RSU1: variants seen among roughly 807,000 people sequenced by gnomAD.
RSU1 encodes Ras suppressor protein 1.
RSU1 carries 26 observed loss-of-function variants against 31.1 expected under a neutral mutation model. That is an observed-to-expected ratio of 0.84 (90% CI 0.61 to 1.16). The LOEUF (loss-of-function observed/expected upper bound fraction) is 1.16, where lower values mean the gene tolerates loss of function less well. RSU1 is among the 50% of genes most tolerant of loss of function. The probability of loss-of-function intolerance (pLI) is 0.00; values close to 1 mark genes in which losing one functional copy is unlikely to be tolerated. For synonymous variants in RSU1, 164 were observed against 136.3 expected, an observed-to-expected ratio of 1.20 and a Z score of -1.41; for missense variants, 320 against 339.1, an observed-to-expected ratio of 0.94 and a Z score of 0.44.
intron 4 of RSU1, among the ~76,000 whole-genome samples, chr10:16,760,467 C>G (rs1837186842): frequency 6.6e-6 from 1 of 150,968 alleles, no homozygotes; most frequent in African/African-American, 2.4e-5. Context: ...CGAGATCATG[C>G]CATTGCACTG....
At chr10:16,782,370 C>T (rs1172612044) in intron 2 of RSU1, among the ~76,000 whole-genome samples, 1 of 152,170 alleles carries the variant, frequency 6.6e-6, no homozygotes, top group African/African-American at 2.4e-5. Flanking sequence ...CGTGGCGCCC[C>T]GACCTGCTTG....
chr10:16,678,388 G>A (rs183414988), intron 8 of RSU1, among the ~76,000 whole-genome samples: 1 of 152,198 alleles, frequency 6.6e-6, no homozygotes, highest in Non-Finnish European at 1.5e-5. Flanking sequence ...GATGGTCCAT[G>A]CATTAAGCGA....
intron 8 of RSU1, among the ~76,000 whole-genome samples, chr10:16,631,228 T>C (rs1014766761): frequency 6.6e-6 from 1 of 152,224 alleles, no homozygotes; most frequent in African/African-American, 2.4e-5. Flanking sequence ...AGCTCTTGCA[T>C]GACAGCTGCA....
chr10:16,591,623 T>A lies in RSU1; in HGVS notation c.*1771A>T, dbSNP rs902979213. On this transcript the variant is annotated 3_prime_UTR_variant, in exon 9 of 9. Coordinates refer to ENST00000345264, the MANE Select transcript of RSU1 (RefSeq NM_012425.4). ...TTGATCTGTATACTTTTTAAAAATA[T>A]TACCAGTGAGTCTTCGATGATTGCT... is the stretch of plus-strand genomic sequence containing the variant. The A allele has an allele frequency of 6.6e-6, 1 of 152,222 alleles. No individual in the cohort carries two copies. The highest frequency in any genetic ancestry group is 2.4e-5 in the African/African-American group (1 of 41,460). The allele number at this position is 152,222 out of a possible 1,614,324, so 9.4% of individuals were successfully genotyped here.
chr10:16,662,521 A>G (rs10904784), intron 8 of RSU1, among the ~76,000 whole-genome samples: 37,833 of 152,078 alleles, frequency 0.25, 5,171 homozygotes, highest in South Asian at 0.34. Context: ...GCCTGTCCTT[A>G]TAAACATATT....
At chr10:16,703,738 A>T in intron 7 of RSU1, among the ~76,000 whole-genome samples, 1 of 152,248 alleles carries the variant, frequency 6.6e-6, no homozygotes, top group Non-Finnish European at 1.5e-5. Flanking sequence ...CCATAAATAT[A>T]TACACAGGTG....
At position 16,705,891 on chromosome 10, in the gene RSU1, C is replaced by G. The variant is rs188866925; in HGVS notation, c.599-10736G>C. 1.3e-3 allele frequency among the ~76,000 whole-genome samples: 195 copies of G among 152,274 alleles called. 1 individual carries two copies. Among genetic ancestry groups the G allele is most frequent in the African/African-American group, 4.1e-3 (172 of 41,554 alleles). Reference sequence around the variant, plus strand: ...TTCTTGGCTCAAGCAATCCTCCTACCTCAGTCTCCTGAGTAGCTGGGATTA... The same window carrying G: ...TTCTTGGCTCAAGCAATCCTCCTACGTCAGTCTCCTGAGTAGCTGGGATTA... On this transcript the variant is annotated intron_variant, in intron 7 of 8. Coordinates refer to ENST00000345264, the MANE Select transcript of RSU1 (RefSeq NM_012425.4).
At chr10:16,596,722 A>AT (rs1833620944) in intron 8 of RSU1, among the ~76,000 whole-genome samples, 1 of 151,820 alleles carries the variant, frequency 6.6e-6, no homozygotes, top group South Asian at 2.1e-4. Flanking sequence ...AACTTTAAGG[A>AT]TTATTATTAT....
chr10:16,816,830 C>A (rs573179005), intron 2 of RSU1, 143 bp downstream of exon 2: 5 of 624,924 alleles, frequency 8.0e-6, no homozygotes, highest in Middle Eastern at 2.6e-4. Context: ...AAACCCTCTG[C>A]GCGAAGCCCC....
intron 2 of RSU1, among the ~76,000 whole-genome samples, chr10:16,786,366 G>C (rs934814736): frequency 1.3e-5 from 2 of 152,018 alleles, no homozygotes; most frequent in Non-Finnish European, 2.9e-5. Context: ...TAGTCCTTTC[G>C]ACACACGCCC....
At chr10:16,694,322 C>T (rs764545864) in intron 8 of RSU1, among the ~76,000 whole-genome samples, 13 of 152,104 alleles carry the variant, frequency 8.5e-5, no homozygotes, top group South Asian at 4.1e-4. Flanking sequence ...AATAGAATGA[C>T]GCATTGCTAG....
At chr10:16,654,680 CAAAA>C (rs147140192) in intron 8 of RSU1, among the ~76,000 whole-genome samples, 5 of 111,920 alleles carry the variant, frequency 4.5e-5, no homozygotes, top group Admixed American at 8.8e-5. Context: ...AAAACAAAAA[CAAAA>C]AAAAAAAAAA....
intron 7 of RSU1, among the ~76,000 whole-genome samples, chr10:16,735,698 C>T (rs1163551929): frequency 2.6e-5 from 4 of 152,046 alleles, no homozygotes; most frequent in Non-Finnish European, 4.4e-5. Context: ...CTTCACGTAG[C>T]GGCAGCAAGG....
At chr10:16,763,052 C>A (rs1286123379) in intron 4 of RSU1, among the ~76,000 whole-genome samples, 1 of 151,790 alleles carries the variant, frequency 6.6e-6, no homozygotes. Flanking sequence ...GCATCTATTG[C>A]CACTCCACGT....
intron 4 of RSU1, among the ~76,000 whole-genome samples, chr10:16,757,431 G>A (rs542618594): frequency 1.8e-4 from 27 of 152,138 alleles, no homozygotes; most frequent in African/African-American, 2.7e-4. Context: ...GGTTCCCCCT[G>A]TCAGGCAGAA....
chr10:16,788,463 C>T lies in RSU1; in HGVS notation c.110-6379G>A, dbSNP rs145329556. Among the ~76,000 whole-genome samples, 61 of 152,292 alleles carry T rather than the reference C, an allele frequency of 4.0e-4. No homozygotes were observed. In the East Asian group the frequency reaches 0.011, roughly 28 times the overall value. On this transcript the variant is annotated intron_variant, in intron 2 of 8. Transcript: ENST00000345264. ...TTCATAAGAGGAGACATGTGAGACACGATCTCTTTCTCCACTGGGTGAGGA... is the reference window on the plus strand; with the variant it reads ...TTCATAAGAGGAGACATGTGAGACATGATCTCTTTCTCCACTGGGTGAGGA...
chr10:16,657,245 A>C (rs902640797), intron 8 of RSU1, among the ~76,000 whole-genome samples: 1 of 152,206 alleles, frequency 6.6e-6, no homozygotes, highest in Non-Finnish European at 1.5e-5. Flanking sequence ...CCAAGTGTGG[A>C]AATTTTTCCC....
At chr10:16,610,041 TA>T (rs1350104260) in intron 8 of RSU1, among the ~76,000 whole-genome samples, 4 of 152,232 alleles carry the variant, frequency 2.6e-5, no homozygotes, top group African/African-American at 9.6e-5. Flanking sequence ...TTTAACCCAA[TA>T]TAGCCAAAAT....
intron 2 of RSU1, among the ~76,000 whole-genome samples, chr10:16,796,867 A>G (rs7068881): frequency 0.37 from 56,793 of 152,030 alleles, 13,744 homozygotes; most frequent in African/African-American, 0.7. Context: ...AAAAAACTCC[A>G]AAATACAAGT....
Sources: allele counts gnomAD v4.1 joint callset (sites outside exome capture counted in the v4.1 genomes callset), GRCh38; gene constraint gnomAD v4.1.1; transcripts MANE v1.5; gene names NCBI Gene and HGNC (gene_info 2026-07-23, HGNC 2026-07-21).